Variants in ABCA3 observed in about 807,000 individuals in gnomAD.
ABCA3 encodes ATP binding cassette subfamily A member 3, also known as phospholipid-transporting ATPase ABCA3.
ABCA3 carries 88 observed loss-of-function variants against 172.8 expected under a neutral mutation model. The observed-to-expected ratio is 0.51, with a 90% CI of 0.43 to 0.61. The LOEUF (loss-of-function observed/expected upper bound fraction) is 0.61. ABCA3 is among the 20% of genes least tolerant of loss of function. The pLI is 0.00. For synonymous variants in ABCA3, 1,066 were observed against 983.8 expected (o/e 1.08, Z -1.56); for missense variants, 2,164 against 2,301.0 (o/e 0.94, Z 1.22).
chr16:2,332,859 T>G (rs1212087405), intron 1 of ABCA3: 4 of 551,768 alleles, frequency 7.2e-6, no homozygotes, highest in Non-Finnish European at 1.3e-5. Context: ...CAGGTTGGAG[T>G]GCCGTTGCGT....
intron 11 of ABCA3, among the ~76,000 whole-genome samples, chr16:2,305,421 C>T (rs562997442): frequency 1.8e-4 from 28 of 152,238 alleles, no homozygotes; most frequent in African/African-American, 6.7e-4. Context: ...CTCAGCCTCC[C>T]GAGTAGCTGG....
At chr16:2,324,604 T>C (rs1596865471) in intron 5 of ABCA3, 73 bp from the exon 6 acceptor site, 1 of 1,594,372 alleles carries the variant, frequency 6.3e-7, no homozygotes, top group East Asian at 2.2e-5. Context: ...GTGGTTCAGG[T>C]CACTGGCAGA....
At chr16:2,291,707 C>G (rs1248040373) in intron 19 of ABCA3, among the ~76,000 whole-genome samples, 6 of 152,240 alleles carry the variant, frequency 3.9e-5, no homozygotes. Context: ...GCCCGCCCCA[C>G]CCCAGGCTGT....
chr16:2,320,372 A>T (rs549559838), intron 7 of ABCA3, among the ~76,000 whole-genome samples: 100 of 149,954 alleles, frequency 6.7e-4, no homozygotes, highest in Middle Eastern at 3.5e-3. Flanking sequence ...TGCTGGGATT[A>T]CAGGCGTGAG....
intron 1 of ABCA3, among the ~76,000 whole-genome samples, chr16:2,337,527 C>T (rs1245237478): frequency 6.6e-6 from 1 of 151,434 alleles, no homozygotes; most frequent in Admixed American, 6.6e-5. Context: ...GTGTGCACCA[C>T]CATGCCCGGC....
At chr16:2,317,973 G>C (rs1428840974) in intron 8 of ABCA3, among the ~76,000 whole-genome samples, 1 of 152,228 alleles carries the variant, frequency 6.6e-6, no homozygotes, top group African/African-American at 2.4e-5. Context: ...TGGAATTATA[G>C]GCATAAGCCA....
At position 2,326,206 on chromosome 16, in the gene ABCA3, C is replaced by A; in HGVS notation, c.123G>T (p.Trp41Cys). ...TTTCCGACTGAATCTTCAAGCGGAGCCAGATGAGGATCCCAGAAAACAGCA... is the reference window on the plus strand; with the variant it reads ...TTTCCGACTGAATCTTCAAGCGGAGACAGATGAGGATCCCAGAAAACAGCA... The part of the protein sequence containing the change: ...LPLLFSGILI[W>C]LRLKIQSENV... The change falls in exon 5 of 33, where the codon TGG becomes TGT. Residue 41 changes from tryptophan (W) to cysteine (C), a missense_variant. Physicochemically the swap from Trp to Cys is radical, Grantham distance 215. This residue lies in a region of ABCA3 where 1,343 missense variants were observed against 1,369.6 expected (regional missense o/e 0.98). Transcript: ENST00000301732. 1.9e-6 allele frequency: 3 copies of A among 1,614,072 alleles called. No homozygotes were observed. Among genetic ancestry groups the A allele is most frequent in the Non-Finnish European group, 2.5e-6 (3 of 1,180,038 alleles).
chr16:2,318,714 T>TATCA (rs1282136440), intron 8 of ABCA3, among the ~76,000 whole-genome samples: 3 of 152,084 alleles, frequency 2.0e-5, no homozygotes, highest in Non-Finnish European at 4.4e-5. Context: ...GGTTTCACCT[T>TATCA]GCTGTCCAGG....
Position 2,287,642 on chromosome 16 carries a change from G to A in ABCA3, c.3004+384C>T, listed in dbSNP as rs1237965449. Among the ~76,000 whole-genome samples, 2 of 152,204 alleles carry A rather than the reference G, an allele frequency of 1.3e-5. No individual in the cohort carries two copies. The highest frequency in any genetic ancestry group is 2.4e-5 in the African/African-American group (1 of 41,446). ...GTCACACGAAGGCACACTGTGGCCA[G>A]CATCATCACAAAGCAAAGGTAACTT... On this transcript the variant is annotated intron_variant, in intron 21 of 32. Coordinates refer to ENST00000301732, the MANE Select transcript of ABCA3 (RefSeq NM_001089.3). The surrounding 1 kb of genome is among the most constrained non-coding windows in gnomAD (Gnocchi z 4.1).
In ABCA3 at chr16:2,277,633, A is replaced by G; in HGVS notation, c.4947T>C (p.His1649=). The G allele has an allele frequency of 6.2e-7, 1 of 1,613,154 alleles. No homozygotes were observed. Among genetic ancestry groups the G allele is most frequent in the Non-Finnish European group, 8.5e-7 (1 of 1,180,012 alleles). ...VLEDEHQGMV[H]YHLPGRDLSW... ...TGAGGTCACGGCCCGGCAGGTGGTA[A>G]TGGACCATGCCTTGGTGCTCATCTT... The change falls in exon 32 of 33, where the codon CAT becomes CAC. Residue 1649 remains histidine (H), a synonymous_variant. Coordinates refer to ENST00000301732, the MANE Select transcript of ABCA3 (RefSeq NM_001089.3). The surrounding 1 kb of genome is among the most constrained non-coding windows in gnomAD (Gnocchi z 5.3).
At chr16:2,296,349 T>C (rs545400409) in intron 17 of ABCA3, among the ~76,000 whole-genome samples, 2 of 152,248 alleles carry the variant, frequency 1.3e-5, no homozygotes, top group South Asian at 4.1e-4. Flanking sequence ...TTCTCCTGCC[T>C]CAGCCTCCCC....
chr16:2,326,508 A>G lies in ABCA3; in HGVS notation c.-26-16T>C, dbSNP rs1381892296. 1.6e-5 allele frequency: 25 copies of G among 1,590,068 alleles called. No homozygotes were observed. The Admixed American group carries it at 4.4e-4, about 28-fold the overall frequency. On this transcript the variant is annotated splice_polypyrimidine_tract_variant and intron_variant, in intron 3 of 32. Transcript: ENST00000301732. ...ACGCCCAGTGCTAGTTACAGACCAA[A>G]GACAGAGAGTGTGGGTGCGCAATAG...
At chr16:2,316,576 G>T (rs1167769426) in intron 10 of ABCA3, among the ~76,000 whole-genome samples, 3 of 144,266 alleles carry the variant, frequency 2.1e-5, no homozygotes, top group African/African-American at 7.7e-5. Flanking sequence ...TACTCAAGAG[G>T]CTGAGGCACA....
At chr16:2,319,558 G>A (rs761336359) in intron 8 of ABCA3, 23 bp downstream of exon 8, 9 of 1,607,304 alleles carry the variant, frequency 5.6e-6, no homozygotes, top group Non-Finnish European at 6.8e-6. Flanking sequence ...CTAGAGTGTT[G>A]GGGAGCCAAA....
At chr16:2,307,101 G>A (rs1308537502) in intron 11 of ABCA3, among the ~76,000 whole-genome samples, 2 of 151,208 alleles carry the variant, frequency 1.3e-5, no homozygotes, top group African/African-American at 4.9e-5. Flanking sequence ...GGGTGACACA[G>A]CGAGACCCTG....
In ABCA3 at chr16:2,299,434, G is replaced by A. The variant is rs779122152; in HGVS notation, c.1710C>T (p.Ala570=). Residue 570 remains alanine, a synonymous_variant, in exon 14 of 33, where the codon GCC becomes GCT. Coordinates refer to ENST00000301732, the MANE Select transcript of ABCA3 (RefSeq NM_001089.3). ...QITVLLGHNG[A]GKTTTLSMLT... is the part of the protein sequence containing the mutation. ...GCATGGAGAGGGTGGTGGTCTTCCC[G>A]GCACCGTTGTGGCCCAGCAGGACGG... The A allele has an allele frequency of 1.8e-5, 29 of 1,613,690 alleles. No homozygotes were observed. The highest frequency in any genetic ancestry group is 9.3e-5 in the African/African-American group (7 of 74,878).
intron 19 of ABCA3, among the ~76,000 whole-genome samples, chr16:2,291,441 C>A (rs776673498): frequency 2.0e-5 from 3 of 152,154 alleles, no homozygotes; most frequent in Admixed American, 6.5e-5. Context: ...TGAGCCACCA[C>A]GCCCAGCCCC....
rs561118984 is a variant in ABCA3 at position 2,318,936 on chromosome 16, T to C, written c.873+645A>G. ...CGTTTTGCCCTATTTGTTTGATCTG[T>C]GTATCTGCATATGTGCACACTTTTT... On this transcript the variant is annotated intron_variant, in intron 8 of 32. Coordinates refer to ENST00000301732, the MANE Select transcript of ABCA3 (RefSeq NM_001089.3). 3.9e-5 allele frequency among the ~76,000 whole-genome samples: 6 copies of C among 152,152 alleles called. No individual in the cohort carries two copies. The East Asian group carries it at 5.8e-4, about 15-fold the overall frequency.
At chr16:2,294,858 C>T (rs2093677338) in intron 18 of ABCA3, among the ~76,000 whole-genome samples, 2 of 152,056 alleles carry the variant, frequency 1.3e-5, no homozygotes, top group South Asian at 4.1e-4. Context: ...TGGTGCACGC[C>T]TGTAATCCCA....
Sources: allele counts gnomAD v4.1 joint callset (sites outside exome capture counted in the v4.1 genomes callset), GRCh38; gene constraint gnomAD v4.1.1; regional missense constraint gnomAD v4.1.1; non-coding constraint Gnocchi (gnomAD v3.1); transcripts MANE v1.5; gene names NCBI Gene and HGNC (gene_info 2026-07-23, HGNC 2026-07-21).